Variants in SMIM36 observed in about 807,000 individuals in gnomAD.
SMIM36 encodes small integral membrane protein 36.
At chr17:55,487,703 C>A (rs2143287016) in intron 1 of SMIM36, among the ~76,000 whole-genome samples, 1 of 152,296 alleles carries the variant, frequency 6.6e-6, no homozygotes, top group South Asian at 2.1e-4. Flanking sequence ...TCACTTGGGG[C>A]TTTTCCTTCT....
intron 3 of SMIM36, among the ~76,000 whole-genome samples, chr17:55,475,291 C>T (rs1366224885): frequency 2.0e-5 from 3 of 152,158 alleles, no homozygotes; most frequent in Non-Finnish European, 4.4e-5. Context: ...ACTCTTGACT[C>T]CCTCTTGGAG....
chr17:55,501,823 T>G (rs1434548951), intron 1 of SMIM36, among the ~76,000 whole-genome samples: 1 of 150,960 alleles, frequency 6.6e-6, no homozygotes, highest in African/African-American at 2.4e-5. Flanking sequence ...GGTACCGGGT[T>G]CATCTCACTA....
At chr17:55,452,767 A>G (rs1908942878) in intron 4 of SMIM36, among the ~76,000 whole-genome samples, 1 of 152,180 alleles carries the variant, frequency 6.6e-6, no homozygotes, top group Admixed American at 6.5e-5. Flanking sequence ...TCGTTGCTGT[A>G]TATTTTGGGT....
At chr17:55,472,304 C>A (rs865866225) in intron 3 of SMIM36, among the ~76,000 whole-genome samples, 8 of 152,362 alleles carry the variant, frequency 5.3e-5, no homozygotes, top group Middle Eastern at 3.4e-3. Flanking sequence ...CCCTCCACTA[C>A]TTCCCAACAA....
the SMIM36 span, among the ~76,000 whole-genome samples, chr17:55,516,531 A>T: frequency 2.6e-5 from 4 of 151,282 alleles, no homozygotes; most frequent in African/African-American, 9.7e-5. Context: ...GGAAAGAGAA[A>T]GTGAGGAATG....
At position 55,501,353 on chromosome 17, in the gene SMIM36, TTATAATA is replaced by T. The variant is rs1171074457; in HGVS notation, c.*174+9519_*174+9525del. 4.7e-5 allele frequency among the ~76,000 whole-genome samples: 3 copies of T among 63,488 alleles called. No individual in the cohort carries two copies. The East Asian group carries it at 1.7e-3, about 35-fold the overall frequency. 41.7% of individuals were successfully genotyped at this position (63,488 alleles called of 152,430 possible). On this transcript the variant is annotated intron_variant, in intron 1 of 4. Coordinates refer to ENST00000636752, the Ensembl canonical transcript of SMIM36. Reference sequence around the variant, plus strand: ...TATATAATATATTATATATTATATTTTATAATATATAATATATTATATATTATAGAAT... The same window carrying T: ...TATATAATATATTATATATTATATTTTATAATATATTATATATTATAGAAT...
intron 4 of SMIM36, among the ~76,000 whole-genome samples, chr17:55,458,851 AT>A (rs1909082475): frequency 6.6e-6 from 1 of 152,012 alleles, no homozygotes; most frequent in African/African-American, 2.4e-5. Flanking sequence ...ACGCAATAAA[AT>A]TTTACACTCA....
the SMIM36 span, among the ~76,000 whole-genome samples, chr17:55,531,938 G>T: frequency 6.6e-6 from 1 of 152,196 alleles, no homozygotes; most frequent in Non-Finnish European, 1.5e-5. Context: ...TTTCTCCATT[G>T]TGTAGGAATA....
intron 1 of SMIM36, among the ~76,000 whole-genome samples, chr17:55,484,477 C>T (rs534111275): frequency 1.3e-5 from 2 of 152,310 alleles, no homozygotes; most frequent in South Asian, 4.1e-4. Context: ...CTTGATCATG[C>T]TTATATTCCC....
At chr17:55,470,552 T>G (rs1377552445) in intron 3 of SMIM36, among the ~76,000 whole-genome samples, 1 of 152,096 alleles carries the variant, frequency 6.6e-6, no homozygotes. Context: ...AACAACATCT[T>G]TTATGTGCTC....
At chr17:55,465,929 T>C (rs2143248181) in intron 4 of SMIM36, among the ~76,000 whole-genome samples, 1 of 152,222 alleles carries the variant, frequency 6.6e-6, no homozygotes, top group Middle Eastern at 3.4e-3. Context: ...ACCTATATTT[T>C]GTTATAATGG....
intron 1 of SMIM36, among the ~76,000 whole-genome samples, chr17:55,501,716 C>A (rs138265740): frequency 0.012 from 1,429 of 119,932 alleles, 23 homozygotes; most frequent in African/African-American, 0.044. Context: ...TACATACATT[C>A]GGGGAGGAGC....
the SMIM36 span, chr17:55,526,862 C>T: frequency 6.6e-6 from 1 of 152,264 alleles, no homozygotes; most frequent in African/African-American, 2.4e-5. Context: ...TATAATAATG[C>T]ATTTGCTGGA....
At chr17:55,483,277 T>C (rs939807436) in intron 1 of SMIM36, among the ~76,000 whole-genome samples, 8 of 152,220 alleles carry the variant, frequency 5.3e-5, no homozygotes, top group African/African-American at 9.6e-5. Context: ...ACAGTAAGCA[T>C]TGATTCTACC....
In SMIM36 at chr17:55,490,586, G is replaced by A. The variant is rs562637162; in HGVS notation, c.*175-11006C>T. Among the ~76,000 whole-genome samples the A allele has an allele frequency of 1.7e-4, 26 of 152,162 alleles. 1 individual carries two copies. Among genetic ancestry groups the A allele is most frequent in the Non-Finnish European group, 1.6e-4 (11 of 68,038 alleles). On this transcript the variant is annotated intron_variant, in intron 1 of 4. Coordinates refer to ENST00000636752, the Ensembl canonical transcript of SMIM36. The stretch of plus-strand genomic sequence containing the variant: ...GAGTGAGAAGTGAGCCAAATCTGCC[G>A]TATGGTCTCCCAGAAACAGTGCAGG...
intron 1 of SMIM36, among the ~76,000 whole-genome samples, chr17:55,484,807 T>G (rs745868279): frequency 8.5e-5 from 13 of 152,224 alleles, no homozygotes; most frequent in Non-Finnish European, 1.9e-4. Flanking sequence ...GTGGTCACTG[T>G]AAGCATGTGG....
At chr17:55,529,253 G>T in the SMIM36 span, among the ~76,000 whole-genome samples, 1 of 152,184 alleles carries the variant, frequency 6.6e-6, no homozygotes, top group Non-Finnish European at 1.5e-5. Context: ...GTTAAAAAAT[G>T]CTAGTTTGTT....
intron 3 of SMIM36, among the ~76,000 whole-genome samples, chr17:55,469,070 AC>A (rs1483563226): frequency 6.6e-6 from 1 of 151,630 alleles, no homozygotes; most frequent in African/African-American, 2.4e-5. Context: ...TTCAGTCTCC[AC>A]CCCAAGTTCT....
At chr17:55,478,359 G>A (rs1025443962) in intron 3 of SMIM36, among the ~76,000 whole-genome samples, 3 of 151,612 alleles carry the variant, frequency 2.0e-5, no homozygotes, top group Non-Finnish European at 2.9e-5. Context: ...TCAGCCTCCC[G>A]AGTAGCTGGG....
Sources: allele counts gnomAD v4.1 joint callset (sites outside exome capture counted in the v4.1 genomes callset), GRCh38; gene constraint gnomAD v4.1.1; transcripts MANE v1.5; gene names NCBI Gene and HGNC (gene_info 2026-07-23, HGNC 2026-07-21).